Variants in ASIC2 observed in about 807,000 individuals in gnomAD.
The protein encoded by ASIC2 is acid-sensing ion channel 2.
In ASIC2, 25 loss-of-function variants were observed where a neutral mutation model predicts 57.3. The observed-to-expected ratio is 0.44, with a 90% CI of 0.32 to 0.61. The LOEUF is 0.61. ASIC2 is among the 20% of genes least tolerant of loss of function. The pLI is 0.06. For missense variants in ASIC2, 641 were observed against 738.1 expected (o/e 0.87, Z 1.52); for synonymous variants, 319 against 307.5 (o/e 1.04, Z -0.39).
At chr17:33,157,985 G>T (rs1449660937) in intron 1 of ASIC2, among the ~76,000 whole-genome samples, 1 of 152,192 alleles carries the variant, frequency 6.6e-6, no homozygotes, top group African/African-American at 2.4e-5. Flanking sequence ...CTCCTGGAAT[G>T]TTCCTCCCCC....
At chr17:33,572,250 A>C (rs1308345757) in intron 1 of ASIC2, 1 of 152,134 alleles carries the variant, frequency 6.6e-6, no homozygotes, top group Non-Finnish European at 1.5e-5. Context: ...GGCCTCAGAG[A>C]GAGCCCACAA....
intron 1 of ASIC2, among the ~76,000 whole-genome samples, chr17:33,235,252 C>G (rs977968323): frequency 6.6e-6 from 1 of 152,158 alleles, no homozygotes; most frequent in African/African-American, 2.4e-5. Flanking sequence ...TCTCCCTCCC[C>G]CTTCCCAGGA....
At chr17:33,394,344 T>G (rs1245163369) in intron 1 of ASIC2, among the ~76,000 whole-genome samples, 1 of 152,242 alleles carries the variant, frequency 6.6e-6, no homozygotes, top group Non-Finnish European at 1.5e-5. Context: ...GCATCAGCTC[T>G]CAGCCCTGGC....
chr17:33,476,144 T>C (rs1440976040), intron 1 of ASIC2, among the ~76,000 whole-genome samples: 2 of 152,120 alleles, frequency 1.3e-5, no homozygotes, highest in African/African-American at 2.4e-5. Flanking sequence ...GCCAGTTCCA[T>C]AGAAACCATT....
intron 1 of ASIC2, among the ~76,000 whole-genome samples, chr17:33,614,820 A>G (rs963191019): frequency 2.0e-5 from 3 of 152,254 alleles, no homozygotes; most frequent in African/African-American, 7.2e-5. Flanking sequence ...GGTTAATAGT[A>G]TGGACTCTTG....
intron 1 of ASIC2, among the ~76,000 whole-genome samples, chr17:33,544,812 T>C (rs556316226): frequency 6.6e-6 from 1 of 152,314 alleles, no homozygotes; most frequent in African/African-American, 2.4e-5. Context: ...CGGGTATTCC[T>C]AGAATGTGTA....
intron 1 of ASIC2, among the ~76,000 whole-genome samples, chr17:33,590,204 C>G (rs765556272): frequency 6.6e-6 from 1 of 152,204 alleles, no homozygotes; most frequent in Non-Finnish European, 1.5e-5. Flanking sequence ...CACCAAGGAA[C>G]ATCCTGGGTC....
chr17:33,742,205 T>C (rs554296546), intron 1 of ASIC2, among the ~76,000 whole-genome samples: 24 of 152,348 alleles, frequency 1.6e-4, no homozygotes, highest in Admixed American at 8.5e-4. Context: ...TTGCATAGAC[T>C]GATTGCTGCC....
chr17:33,106,192 G>C (rs1355985048), intron 2 of ASIC2, among the ~76,000 whole-genome samples: 1 of 152,150 alleles, frequency 6.6e-6, no homozygotes, highest in Non-Finnish European at 1.5e-5. Context: ...TGTGTGACTA[G>C]AGCCAGGTTA....
chr17:33,760,552 T>A (rs1226907843), intron 1 of ASIC2, among the ~76,000 whole-genome samples: 2 of 151,908 alleles, frequency 1.3e-5, no homozygotes, highest in African/African-American at 4.8e-5. Context: ...GATTTATATA[T>A]AAACAAACAT....
intron 1 of ASIC2, among the ~76,000 whole-genome samples, chr17:33,516,653 C>T (rs1914581612): frequency 1.3e-5 from 2 of 152,168 alleles, no homozygotes; most frequent in Non-Finnish European, 2.9e-5. Flanking sequence ...TACAACGGAA[C>T]AACTGGTGTT....
intron 1 of ASIC2, among the ~76,000 whole-genome samples, chr17:33,179,067 A>C (rs1648954788): frequency 6.6e-6 from 1 of 152,178 alleles, no homozygotes; most frequent in Non-Finnish European, 1.5e-5. Context: ...CCTGGCACAA[A>C]TTTGGTGCCT....
chr17:33,868,263 C>T (rs1914299179), intron 1 of ASIC2, among the ~76,000 whole-genome samples: 1 of 151,870 alleles, frequency 6.6e-6, no homozygotes, highest in Admixed American at 6.6e-5. Flanking sequence ...GTTATACAAT[C>T]TCTGTAGTAA....
chr17:33,143,037 A>C (rs1904388322), intron 1 of ASIC2, among the ~76,000 whole-genome samples: 1 of 152,200 alleles, frequency 6.6e-6, no homozygotes, highest in Admixed American at 6.5e-5. Flanking sequence ...CGAGAAGAAA[A>C]CATGGGTCCC....
rs2091842564 is a variant in ASIC2, at chr17:33,022,842, T to C, written c.1349+1019A>G. On this transcript the variant is annotated intron_variant, in intron 6 of 9. Transcript: ENST00000225823. ...AATATGTAATTACACACTGTGGTGT[T>C]ATAAAGGAAAACACCAGAGGACTTT... is the stretch of plus-strand genomic sequence containing the variant. Among the ~76,000 whole-genome samples the C allele has an allele frequency of 5.9e-5, 9 of 152,314 alleles. 1 individual carries two copies. In the South Asian group the frequency reaches 1.9e-3, roughly 32 times the overall value.
chr17:33,480,472 C>A (rs752350967), intron 1 of ASIC2, among the ~76,000 whole-genome samples: 2 of 151,934 alleles, frequency 1.3e-5, no homozygotes, highest in Non-Finnish European at 2.9e-5. Flanking sequence ...GAGAAAGGAG[C>A]CTTCATAAAC....
At chr17:33,664,245 T>C (rs1907398735) in intron 1 of ASIC2, among the ~76,000 whole-genome samples, 1 of 152,234 alleles carries the variant, frequency 6.6e-6, no homozygotes, top group African/African-American at 2.4e-5. Context: ...TGGGAAAGTA[T>C]GTTTTGTCTT....
intron 1 of ASIC2, among the ~76,000 whole-genome samples, chr17:33,377,478 G>A (rs982481534): frequency 3.3e-5 from 5 of 152,168 alleles, no homozygotes; most frequent in African/African-American, 1.2e-4. Flanking sequence ...GCTTCTCATT[G>A]CCAATCTTTT....
intron 1 of ASIC2, among the ~76,000 whole-genome samples, chr17:33,449,397 C>G (rs995081096): frequency 5.9e-5 from 9 of 152,186 alleles, no homozygotes; most frequent in African/African-American, 2.2e-4. Context: ...TTTTTCCATT[C>G]TCTCTTCTCT....
Sources: gnomAD v4.1 joint callset for allele counts (sites outside exome capture counted in the v4.1 genomes callset) on GRCh38, gnomAD v4.1.1 for gene constraint, MANE v1.5 for transcripts, NCBI Gene and HGNC (gene_info 2026-07-23, HGNC 2026-07-21) for gene names.